Variants in ATE1 observed in about 807,000 individuals in gnomAD.
The protein encoded by ATE1 is arginyltransferase 1.
A neutral mutation model predicts 70.5 loss-of-function variants in ATE1; 36 were observed. That is an observed-to-expected ratio of 0.51 (90% CI 0.39 to 0.67). The LOEUF is 0.67. Ranked by LOEUF, ATE1 falls within the 30% of genes least tolerant of loss-of-function variation. The pLI is 0.00. For synonymous variants in ATE1, 232 were observed against 219.3 expected, an observed-to-expected ratio of 1.06 and a Z score of -0.51; for missense variants, 593 against 629.5, an observed-to-expected ratio of 0.94 and a Z score of 0.62.
At chr10:121,824,791 TG>T (rs1471892999) in intron 10 of ATE1, among the ~76,000 whole-genome samples, 3 of 152,004 alleles carry the variant, frequency 2.0e-5, no homozygotes, top group South Asian at 2.1e-4. Flanking sequence ...AGAGATAATA[TG>T]GGGGAAAAAA....
At position 121,892,567 on chromosome 10, in the gene ATE1, C is replaced by T. The variant is rs936186386; in HGVS notation, c.942+7299G>A. Among the ~76,000 whole-genome samples the T allele has an allele frequency of 4.7e-5, 7 of 150,038 alleles. No homozygotes were observed. In the Admixed American group the frequency reaches 4.7e-4, roughly 10 times the overall value. On this transcript the variant is annotated intron_variant, in intron 7 of 11. Transcript: ENST00000224652. Reference sequence around the variant, plus strand: ...CCTCGCCAAGGTTGGAGCGCAATGGCACCATCTCGGCTCACTGCAACCTCT... The same window carrying T: ...CCTCGCCAAGGTTGGAGCGCAATGGTACCATCTCGGCTCACTGCAACCTCT...
At chr10:121,918,160 C>A (rs1182548156) in intron 3 of ATE1, among the ~76,000 whole-genome samples, 1 of 152,074 alleles carries the variant, frequency 6.6e-6, no homozygotes, top group East Asian at 1.9e-4. Context: ...TGGTGAAACC[C>A]CGTCTCTACT....
chr10:121,782,317 A>T (rs1946026127), intron 11 of ATE1, among the ~76,000 whole-genome samples: 1 of 152,222 alleles, frequency 6.6e-6, no homozygotes, highest in Non-Finnish European at 1.5e-5. Flanking sequence ...TTAAACAAAA[A>T]ATATTTACAG....
rs530377483 is a variant in ATE1 at position 121,742,404 on chromosome 10, A to G, written c.*1276T>C. ...GATGAACCAAAACAGAAAAATGGGC[A>G]AAGTGGGGACTAAAAACGGCTTGCT... On this transcript the variant is annotated 3_prime_UTR_variant, in exon 12 of 12. Transcript: ENST00000224652. 1 of 147,262 alleles carries G rather than the reference A, an allele frequency of 6.8e-6. No homozygotes were observed. Among genetic ancestry groups the G allele is most frequent in the East Asian group, 2.6e-4 (1 of 3,906 alleles). The allele number at this position is 147,262 out of a possible 1,614,324, so 9.1% of individuals were successfully genotyped here. A position where few individuals can be genotyped will look rare whatever the true frequency, so the allele number is the denominator to read the frequency against.
intron 8 of ATE1, among the ~76,000 whole-genome samples, chr10:121,846,138 A>AC (rs1320057348): frequency 2.9e-4 from 32 of 111,190 alleles, no homozygotes; most frequent in African/African-American, 5.1e-4. Context: ...AAAAAAAAAA[A>AC]AACCCAAAAC....
At chr10:121,809,799 AG>A (rs1182869166) in intron 10 of ATE1, among the ~76,000 whole-genome samples, 3 of 152,054 alleles carry the variant, frequency 2.0e-5, no homozygotes, top group African/African-American at 7.2e-5. Flanking sequence ...AGGGGCAAAC[AG>A]AAGAAGGGCT....
Position 121,924,307 on chromosome 10 carries a change from T to C in ATE1, c.129A>G (p.Thr43=), listed in dbSNP as rs1456153675. 1.5e-5 allele frequency: 24 copies of C among 1,614,018 alleles called. No individual in the cohort carries two copies. Among genetic ancestry groups the C allele is most frequent in the East Asian group, 2.2e-5 (1 of 44,898 alleles). ...RSNGMWAHSM[T]VQDYQDLIDR... is the part of the protein sequence containing the mutation. ...CTATGAGATCCTGATAATCCTGTAC[T>C]GTCATGGAATGTGCCCACATGCCTG... Residue 43 remains threonine, a synonymous_variant, in exon 2 of 12, where the codon ACA becomes ACG. Transcript: ENST00000224652.
rs148044319 is a variant in ATE1 at position 121,772,527 on chromosome 10, C to T, written c.1378+17642G>A. Among the ~76,000 whole-genome samples, 386 of 152,278 alleles carry T rather than the reference C, an allele frequency of 2.5e-3. 4 individuals carry two copies. Among genetic ancestry groups the T allele is most frequent in the African/African-American group, 9.1e-3 (378 of 41,554 alleles). ...GCTAATGCAAGGGGCCCATCAAAAA[C>T]ACCCCAGACTTATTCGGAATGAAAG... On this transcript the variant is annotated intron_variant, in intron 11 of 11. Transcript: ENST00000224652.
intron 10 of ATE1, among the ~76,000 whole-genome samples, chr10:121,808,756 T>C (rs568269839): frequency 3.9e-5 from 6 of 152,276 alleles, no homozygotes; most frequent in East Asian, 1.9e-4. Flanking sequence ...TATGATACGG[T>C]TGGGAAAGGA....
At chr10:121,844,959 C>T (rs1948762443) in intron 8 of ATE1, among the ~76,000 whole-genome samples, 1 of 150,388 alleles carries the variant, frequency 6.6e-6, no homozygotes, top group Non-Finnish European at 1.5e-5. Context: ...TCTATTGGGG[C>T]AATTTTTCTA....
At chr10:121,862,920 C>CT (rs1211219135) in intron 8 of ATE1, among the ~76,000 whole-genome samples, 1 of 146,806 alleles carries the variant, frequency 6.8e-6, no homozygotes, top group African/African-American at 2.4e-5. Flanking sequence ...ATAACCCACC[C>CT]TTTAATTTGC....
intron 7 of ATE1, among the ~76,000 whole-genome samples, chr10:121,877,667 CTATT>C (rs978157995): frequency 9.6e-6 from 1 of 103,956 alleles, no homozygotes; most frequent in Non-Finnish European, 2.6e-5. Flanking sequence ...AAAAAGCTCC[CTATT>C]TAGTCATCAG....
At chr10:121,856,492 G>A (rs933852618) in intron 8 of ATE1, among the ~76,000 whole-genome samples, 13 of 152,110 alleles carry the variant, frequency 8.5e-5, no homozygotes, top group Admixed American at 3.9e-4. Context: ...ATCATGCTAC[G>A]GCACTCCAGC....
chr10:121,866,326 C>G (rs1396937746), intron 8 of ATE1, among the ~76,000 whole-genome samples: 5 of 152,204 alleles, frequency 3.3e-5, no homozygotes, highest in Admixed American at 1.3e-4. Context: ...AGGAGACTTA[C>G]ATTGGTCATC....
At chr10:121,839,546 C>T (rs1166648466) in intron 9 of ATE1, among the ~76,000 whole-genome samples, 1 of 152,060 alleles carries the variant, frequency 6.6e-6, no homozygotes, top group Non-Finnish European at 1.5e-5. Context: ...GTAATAATGG[C>T]AAAATCTAAA....
chr10:121,788,924 A>G (rs1946320425), intron 11 of ATE1, among the ~76,000 whole-genome samples: 1 of 152,230 alleles, frequency 6.6e-6, no homozygotes, highest in South Asian at 2.1e-4. Flanking sequence ...GAGGACTACA[A>G]GGGCTGTGTG....
chr10:121,789,111 G>A (rs555640909), intron 11 of ATE1, among the ~76,000 whole-genome samples: 1 of 152,192 alleles, frequency 6.6e-6, no homozygotes, highest in South Asian at 2.1e-4. Flanking sequence ...AGTAATAGGG[G>A]GCTGTTCTTA....
At chr10:121,916,040 C>T (rs920556194) in intron 3 of ATE1, among the ~76,000 whole-genome samples, 1 of 150,492 alleles carries the variant, frequency 6.6e-6, no homozygotes, top group African/African-American at 2.4e-5. Flanking sequence ...ATGGAGACCA[C>T]CCTGGCTAAC....
chr10:121,867,891 C>T, intron 8 of ATE1, among the ~76,000 whole-genome samples: 1 of 152,030 alleles, frequency 6.6e-6, no homozygotes, highest in African/African-American at 2.4e-5. Context: ...TTGACGTGTT[C>T]CTGTTGTACA....
Sources: allele counts gnomAD v4.1 joint callset (sites outside exome capture counted in the v4.1 genomes callset), GRCh38; gene constraint gnomAD v4.1.1; transcripts MANE v1.5; gene names NCBI Gene and HGNC (gene_info 2026-07-23, HGNC 2026-07-21).